MBD5: variants seen among roughly 807,000 people sequenced by gnomAD.
MBD5 encodes methyl-CpG binding domain protein 5.
MBD5 carries 13 observed loss-of-function variants against 117.3 expected under a neutral mutation model. That is an observed-to-expected ratio of 0.11 (90% CI 0.07 to 0.18). MBD5 has a LOEUF of 0.18. MBD5 is among the 10% of genes least tolerant of loss of function. The pLI, the probability that MBD5 is intolerant of heterozygous loss-of-function variation, is 1.00. For missense variants in MBD5, 1,879 were observed against 2,093.8 expected (o/e 0.90, Z 2.00); for synonymous variants, 727 against 766.4 (o/e 0.95, Z 0.85).
intron 1 of MBD5, among the ~76,000 whole-genome samples, chr2:148,110,261 C>T (rs1005223116): frequency 6.6e-6 from 1 of 152,134 alleles, no homozygotes; most frequent in South Asian, 2.1e-4. Flanking sequence ...GACGTTGAGC[C>T]AGAATTCAGT....
Position 148,513,227 on chromosome 2 carries a change from T to C in MBD5, c.*286T>C. The C allele has an allele frequency of 2.5e-6, 1 of 398,612 alleles. No individual in the cohort carries two copies. Among genetic ancestry groups the C allele is most frequent in the Non-Finnish European group, 4.6e-6 (1 of 217,318 alleles). The allele number at this position is 398,612 out of a possible 1,614,324, so 24.7% of individuals were successfully genotyped here. A position where few individuals can be genotyped will look rare whatever the true frequency, so the allele number is the denominator to read the frequency against. ...AATACTAAATTGTGATTATAAGAAA[T>C]AGTCCAAATGTTTCTGAAGAATTTT... is the stretch of plus-strand genomic sequence containing the variant. On this transcript the variant is annotated 3_prime_UTR_variant, in exon 14 of 14. Transcript: ENST00000642680.
chr2:148,185,913 T>G (rs1698645514), intron 2 of MBD5, among the ~76,000 whole-genome samples: 1 of 152,216 alleles, frequency 6.6e-6, no homozygotes, highest in African/African-American at 2.4e-5. Context: ...ATTATTGAAT[T>G]GATGGGTTTG....
At chr2:148,383,282 T>C (rs554193968) in intron 4 of MBD5, among the ~76,000 whole-genome samples, 31 of 152,230 alleles carry the variant, frequency 2.0e-4, no homozygotes, top group Middle Eastern at 3.4e-3. Flanking sequence ...ATATCACCAC[T>C]GATCCCACAG....
intron 4 of MBD5, among the ~76,000 whole-genome samples, chr2:148,394,954 C>A (rs1704668367): frequency 6.6e-6 from 1 of 152,082 alleles, no homozygotes; most frequent in Non-Finnish European, 1.5e-5. Context: ...CAACCATTTC[C>A]AAGTTTACTT....
At position 148,368,304 on chromosome 2, in the gene MBD5, C is replaced by G. The variant is rs1703760890; in HGVS notation, c.-557+25968C>G. Reference sequence around the variant, plus strand: ...GAACATATGGGCACAGGGAGGGGAACATCACACACTGGGGCCTGTCAGGGG... The same window carrying G: ...GAACATATGGGCACAGGGAGGGGAAGATCACACACTGGGGCCTGTCAGGGG... On this transcript the variant is annotated intron_variant, in intron 4 of 13. Transcript: ENST00000642680. Among the ~76,000 whole-genome samples, 3 of 152,066 alleles carry G rather than the reference C, an allele frequency of 2.0e-5. No individual in the cohort carries two copies. In the South Asian group the frequency reaches 6.2e-4, roughly 32 times the overall value.
chr2:148,262,816 T>C (rs144971034), intron 3 of MBD5, among the ~76,000 whole-genome samples: 146 of 152,338 alleles, frequency 9.6e-4, no homozygotes, highest in African/African-American at 3.4e-3. Flanking sequence ...AGTAACAGAA[T>C]GCCATTGGCA....
At chr2:148,132,192 A>T (rs1697064485) in intron 1 of MBD5, among the ~76,000 whole-genome samples, 1 of 152,010 alleles carries the variant, frequency 6.6e-6, no homozygotes, top group South Asian at 2.1e-4. Flanking sequence ...TAAATAGTCA[A>T]AACTATTGTT....
intron 8 of MBD5, among the ~76,000 whole-genome samples, chr2:148,482,186 G>A (rs921971284): frequency 3.3e-5 from 5 of 152,090 alleles, no homozygotes; most frequent in Non-Finnish European, 7.4e-5. Flanking sequence ...AAACCCTTTT[G>A]TCCCTGGAAT....
intron 1 of MBD5, among the ~76,000 whole-genome samples, chr2:148,035,695 A>G (rs1694176726): frequency 6.6e-6 from 1 of 152,142 alleles, no homozygotes; most frequent in African/African-American, 2.4e-5. Flanking sequence ...TATTGCAAAA[A>G]CGTTAAGAGC....
chr2:148,045,974 CTTTTTTTT>C (rs59672002), intron 1 of MBD5, among the ~76,000 whole-genome samples: 23 of 77,480 alleles, frequency 3.0e-4, no homozygotes, highest in African/African-American at 1.1e-3. Flanking sequence ...AATGAAGTGC[CTTTTTTTT>C]TTTTTTTTTT....
At chr2:148,275,706 G>A (rs918424728) in intron 3 of MBD5, among the ~76,000 whole-genome samples, 11 of 151,794 alleles carry the variant, frequency 7.2e-5, no homozygotes, top group African/African-American at 2.7e-4. Context: ...TTTGAGCAAG[G>A]AACTGTGCAC....
At chr2:148,250,906 A>G (rs1486350510) in intron 3 of MBD5, among the ~76,000 whole-genome samples, 1 of 152,212 alleles carries the variant, frequency 6.6e-6, no homozygotes, top group Non-Finnish European at 1.5e-5. Context: ...TTGCCACTTC[A>G]TCACTTGCAG....
intron 8 of MBD5, among the ~76,000 whole-genome samples, chr2:148,481,284 A>G (rs998203590): frequency 6.6e-6 from 1 of 152,056 alleles, no homozygotes; most frequent in African/African-American, 2.4e-5. Context: ...TACGAAGTCT[A>G]TTTATCAGAA....
intron 8 of MBD5, among the ~76,000 whole-genome samples, chr2:148,477,429 A>C (rs1437371115): frequency 6.6e-6 from 1 of 152,114 alleles, no homozygotes. Context: ...TTTCGTTTCT[A>C]TTGCTGCTAA....
intron 4 of MBD5, among the ~76,000 whole-genome samples, chr2:148,389,303 T>TCC (rs1704491856): frequency 9.2e-6 from 1 of 108,688 alleles, no homozygotes; most frequent in East Asian, 3.1e-4. Flanking sequence ...TATATATATA[T>TCC]AACATTTTCT....
intron 1 of MBD5, among the ~76,000 whole-genome samples, chr2:148,127,840 A>G (rs1696940209): frequency 6.6e-6 from 1 of 152,032 alleles, no homozygotes; most frequent in Admixed American, 6.5e-5. Context: ...ACTAATTTAC[A>G]CTCCCACCAA....
intron 1 of MBD5, among the ~76,000 whole-genome samples, chr2:148,065,795 T>G (rs972419551): frequency 6.6e-6 from 1 of 152,230 alleles, no homozygotes; most frequent in African/African-American, 2.4e-5. Flanking sequence ...TATGTGAACT[T>G]TCTTAAAGAT....
rs1470333858 is a variant in MBD5, at chr2:148,516,790, T to C, written c.*3849T>C. On this transcript the variant is annotated 3_prime_UTR_variant, in exon 14 of 14. Coordinates refer to ENST00000642680, the MANE Select transcript of MBD5 (RefSeq NM_001378120.1). ...GCCTTATCTGCATTTATACACACTG[T>C]GTGTGTACCTCAGTGACCTTTTATA... 1 of 152,244 alleles carries C rather than the reference T, an allele frequency of 6.6e-6. No individual in the cohort carries two copies. The highest frequency in any genetic ancestry group is 1.5e-5 in the Non-Finnish European group (1 of 68,038). The allele number at this position is 152,244 out of a possible 1,614,324, so 9.4% of individuals were successfully genotyped here. A position where few individuals can be genotyped will look rare whatever the true frequency, so the allele number is the denominator to read the frequency against.
chr2:148,097,048 G>T (rs13006721), intron 1 of MBD5, among the ~76,000 whole-genome samples: 46,806 of 151,656 alleles, frequency 0.31, 8,353 homozygotes, highest in East Asian at 0.46. Flanking sequence ...GGAATATTTG[G>T]GTACATGACA....
Sources: gnomAD v4.1 joint callset for allele counts (sites outside exome capture counted in the v4.1 genomes callset) on GRCh38, gnomAD v4.1.1 for gene constraint, MANE v1.5 for transcripts, NCBI Gene and HGNC (gene_info 2026-07-23, HGNC 2026-07-21) for gene names.